Variants in NTNG1 observed in about 807,000 individuals in gnomAD.
NTNG1 encodes the protein netrin-G1.
A neutral mutation model predicts 54.0 loss-of-function variants in NTNG1; 16 were observed. That is an observed-to-expected ratio of 0.30 (90% CI 0.20 to 0.45). The LOEUF (loss-of-function observed/expected upper bound fraction) is 0.45, where lower values mean the gene tolerates loss of function less well. Ranked by LOEUF, NTNG1 falls within the 20% of genes least tolerant of loss-of-function variation. The probability of loss-of-function intolerance (pLI) is 1.00; values close to 1 mark genes in which losing one functional copy is unlikely to be tolerated. For synonymous variants in NTNG1, 255 were observed against 263.1 expected, an observed-to-expected ratio of 0.97 and a Z score of 0.30; for missense variants, 530 against 678.7, an observed-to-expected ratio of 0.78 and a Z score of 2.43.
At chr1:107,259,405 G>GC (rs1411347331) in intron 2 of NTNG1, among the ~76,000 whole-genome samples, 42 of 152,226 alleles carry the variant, frequency 2.8e-4, no homozygotes, top group Non-Finnish European at 2.9e-4. Context: ...GTGTTAGGAA[G>GC]CATGTGTAAG....
In NTNG1 at chr1:107,481,866, T is replaced by C. The variant is rs1379515157; in HGVS notation, c.*1026T>C. The C allele has an allele frequency of 1.3e-5, 2 of 152,566 alleles. No homozygotes were observed. The highest frequency in any genetic ancestry group is 2.9e-5 in the Non-Finnish European group (2 of 68,040). 9.5% of individuals were successfully genotyped at this position (152,566 alleles called of 1,614,324 possible). A position where few individuals can be genotyped will look rare whatever the true frequency, so the allele number is the denominator to read the frequency against. On this transcript the variant is annotated 3_prime_UTR_variant, in exon 8 of 8. Coordinates refer to ENST00000370068, the MANE Select transcript of NTNG1 (RefSeq NM_001113226.3). Reference sequence around the variant, plus strand: ...CTCCTGCATAAACGATTTCAGGAATTTGTATTGCAATTTCTTAAGATGAAA... The same window carrying C: ...CTCCTGCATAAACGATTTCAGGAATCTGTATTGCAATTTCTTAAGATGAAA...
At chr1:107,215,643 A>AATTTTGAG (rs2101419432) in intron 2 of NTNG1, among the ~76,000 whole-genome samples, 1 of 151,890 alleles carries the variant, frequency 6.6e-6, no homozygotes, top group South Asian at 2.1e-4. Context: ...GTTCCATATG[A>AATTTTGAG]ATTTTGAGAT....
chr1:107,184,032 C>A (rs912357969), intron 2 of NTNG1, among the ~76,000 whole-genome samples: 2 of 152,124 alleles, frequency 1.3e-5, no homozygotes, highest in Non-Finnish European at 2.9e-5. Flanking sequence ...TCAGTCAGTA[C>A]AATCGATCTA....
chr1:107,388,740 T>C (rs951190974), intron 3 of NTNG1, among the ~76,000 whole-genome samples: 1 of 152,222 alleles, frequency 6.6e-6, no homozygotes, highest in Admixed American at 6.5e-5. Flanking sequence ...GTGTCATAAC[T>C]CATCAACTCT....
intron 3 of NTNG1, among the ~76,000 whole-genome samples, chr1:107,357,081 C>T (rs1246142067): frequency 6.6e-6 from 1 of 152,130 alleles, no homozygotes; most frequent in African/African-American, 2.4e-5. Flanking sequence ...CAGTGCCTAA[C>T]CAGACAACAC....
At chr1:107,214,780 C>T (rs1444690294) in intron 2 of NTNG1, among the ~76,000 whole-genome samples, 1 of 116,966 alleles carries the variant, frequency 8.5e-6, no homozygotes, top group Non-Finnish European at 1.7e-5. Context: ...TTCACCACAT[C>T]CATGCCATCA....
chr1:107,279,229 A>G (rs915124324), intron 2 of NTNG1, among the ~76,000 whole-genome samples: 20 of 151,708 alleles, frequency 1.3e-4, no homozygotes, highest in African/African-American at 4.8e-4. Flanking sequence ...GCTCATATCT[A>G]CCTCATATTA....
chr1:107,277,993 C>T (rs981642697), intron 2 of NTNG1, among the ~76,000 whole-genome samples: 2 of 152,150 alleles, frequency 1.3e-5, no homozygotes, highest in Non-Finnish European at 2.9e-5. Flanking sequence ...TATGGCATAA[C>T]TTATAGAAGG....
At chr1:107,420,785 G>C (rs565103585) in intron 5 of NTNG1, among the ~76,000 whole-genome samples, 53 of 152,018 alleles carry the variant, frequency 3.5e-4, no homozygotes, top group African/African-American at 1.2e-3. Context: ...TTGACAGTAG[G>C]GGATCCTACT....
intron 5 of NTNG1, 128 bp downstream of exon 5, chr1:107,407,836 T>C: frequency 1.2e-6 from 1 of 835,426 alleles, no homozygotes; most frequent in Non-Finnish European, 2.1e-6. Context: ...CTTTGTGAAT[T>C]GCATTTTTGT....
At chr1:107,386,405 C>T (rs2101053697) in intron 3 of NTNG1, among the ~76,000 whole-genome samples, 1 of 152,014 alleles carries the variant, frequency 6.6e-6, no homozygotes, top group Non-Finnish European at 1.5e-5. Flanking sequence ...AACTCCTGAC[C>T]TCAAGTGATC....
chr1:107,365,339 CA>C (rs939946884), intron 3 of NTNG1, among the ~76,000 whole-genome samples: 2 of 151,920 alleles, frequency 1.3e-5, no homozygotes, highest in East Asian at 1.9e-4. Context: ...TGTTCCCTAC[CA>C]AAAAAAGATA....
rs1042592381 is a variant in NTNG1 at position 107,343,666 on chromosome 1, G to C, written c.887+18744G>C. Among the ~76,000 whole-genome samples the C allele has an allele frequency of 1.1e-3, 161 of 152,104 alleles. 3 individuals are homozygous for C. The highest frequency in any genetic ancestry group is 5.9e-4 in the Admixed American group (9 of 15,254). On this transcript the variant is annotated intron_variant, in intron 3 of 7. Coordinates refer to ENST00000370068, the MANE Select transcript of NTNG1 (RefSeq NM_001113226.3). ...TGAACGAATTATACAATGAAAAGCT[G>C]CTTCTGAGGGCCACCAAAAAGAGCC... is the stretch of plus-strand genomic sequence containing the variant.
In NTNG1 at chr1:107,433,845, G is replaced by A. The variant is rs532067645; in HGVS notation, c.1256-2820G>A. Among the ~76,000 whole-genome samples the A allele has an allele frequency of 2.0e-5, 3 of 152,308 alleles. No homozygotes were observed. The South Asian group carries it at 6.2e-4, about 32-fold the overall frequency. ...GGCTGGAGTTTGCCCTCTCAGGGCCGTTGGAAGCCTCTGGCTCCTTTGCTA... is the reference window on the plus strand; with the variant it reads ...GGCTGGAGTTTGCCCTCTCAGGGCCATTGGAAGCCTCTGGCTCCTTTGCTA... On this transcript the variant is annotated intron_variant, in intron 6 of 7. Coordinates refer to ENST00000370068, the MANE Select transcript of NTNG1 (RefSeq NM_001113226.3).
chr1:107,278,733 T>G (rs1005121564), intron 2 of NTNG1, among the ~76,000 whole-genome samples: 2 of 152,170 alleles, frequency 1.3e-5, no homozygotes, highest in Non-Finnish European at 2.9e-5. Context: ...TTTATCTCCT[T>G]TTTTCATTGT....
chr1:107,176,595 T>C (rs75358193), intron 2 of NTNG1, among the ~76,000 whole-genome samples: 2,969 of 152,292 alleles, frequency 0.019, 80 homozygotes, highest in African/African-American at 0.067. Context: ...CTTACATGAA[T>C]TGGAGTATTT....
intron 2 of NTNG1, among the ~76,000 whole-genome samples, chr1:107,205,275 G>T (rs1320300935): frequency 6.6e-6 from 1 of 152,038 alleles, no homozygotes; most frequent in East Asian, 1.9e-4. Flanking sequence ...GTAGATCTAG[G>T]CTGTGTCTCT....
chr1:107,307,430 T>C (rs188011409), intron 2 of NTNG1, among the ~76,000 whole-genome samples: 1 of 152,286 alleles, frequency 6.6e-6, no homozygotes, highest in Non-Finnish European at 1.5e-5. Flanking sequence ...ATTGAGACCT[T>C]ACTATGTTCT....
intron 2 of NTNG1, among the ~76,000 whole-genome samples, chr1:107,193,305 T>C (rs1029739406): frequency 2.6e-5 from 4 of 152,066 alleles, no homozygotes; most frequent in African/African-American, 9.7e-5. Flanking sequence ...TACTTGCTGC[T>C]GTTTCTCCAA....
Sources: gnomAD v4.1 joint callset for allele counts (sites outside exome capture counted in the v4.1 genomes callset) on GRCh38, gnomAD v4.1.1 for gene constraint, MANE v1.5 for transcripts, NCBI Gene and HGNC (gene_info 2026-07-23, HGNC 2026-07-21) for gene names.